The following CLTCL1 variants were observed in gnomAD, a reference collection of about 807,000 sequenced individuals.
The protein encoded by CLTCL1 is clathrin heavy chain 2.
In CLTCL1, 159 loss-of-function variants were observed where a neutral mutation model predicts 190.0. The ratio of observed to expected loss-of-function variants is 0.84; its 90% CI spans 0.74 to 0.95. The LOEUF (loss-of-function observed/expected upper bound fraction) is 0.95, where lower values mean the gene tolerates loss of function less well. CLTCL1 is among the 40% of genes least tolerant of loss of function. CLTCL1 has a pLI of 0.00. For missense variants in CLTCL1, 1,878 were observed against 2,033.4 expected (o/e 0.92, Z 1.47); for synonymous variants, 752 against 769.6 (o/e 0.98, Z 0.38).
chr22:19,224,087 G>GT lies in CLTCL1; in HGVS notation c.2129-34dup, dbSNP rs1402024826. On this transcript the variant is annotated intron_variant, in intron 13 of 32. Transcript: ENST00000427926. ...GAGAGACCATTCCATTTTTGTCCTT[G>GT]TAACACCTGCCTGTCTCCTCCGTAG... 3.1e-6 allele frequency: 5 copies of GT among 1,611,480 alleles called. No individual in the cohort carries two copies. The Admixed American group carries it at 8.4e-5, about 27-fold the overall frequency.
At chr22:19,181,006 G>C (rs1261154902) in intron 30 of CLTCL1, 200 bp from the exon 31 acceptor site, 1 of 581,410 alleles carries the variant, frequency 1.7e-6, no homozygotes, top group Non-Finnish European at 3.1e-6. Flanking sequence ...GTGAAGCCTC[G>C]GTAGCTGGGC....
At chr22:19,256,107 T>C (rs782783954) in intron 2 of CLTCL1, among the ~76,000 whole-genome samples, 20 of 152,026 alleles carry the variant, frequency 1.3e-4, no homozygotes, top group Non-Finnish European at 2.1e-4. Context: ...ATAAATTACG[T>C]ACAGGTTCAA....
chr22:19,275,861 T>A, intron 1 of CLTCL1, 31 bp from the exon 2 acceptor site: 1 of 1,552,130 alleles, frequency 6.4e-7, no homozygotes, highest in Non-Finnish European at 8.7e-7. Context: ...TGATTAAATT[T>A]TTTTCCTCTG....
At chr22:19,263,031 T>TA (rs782074357) in intron 2 of CLTCL1, among the ~76,000 whole-genome samples, 2,559 of 127,076 alleles carry the variant, frequency 0.02, 41 homozygotes, top group East Asian at 0.05. Context: ...ACTCCATCTT[T>TA]AAAAAAAAAA....
At chr22:19,211,627 C>T (rs545769725) in intron 19 of CLTCL1, among the ~76,000 whole-genome samples, 2 of 151,708 alleles carry the variant, frequency 1.3e-5, no homozygotes, top group East Asian at 1.9e-4. Context: ...ATTAGCTGGG[C>T]GTGGTGGCAG....
chr22:19,186,184 T>C (rs896040674), intron 29 of CLTCL1, among the ~76,000 whole-genome samples: 1 of 152,148 alleles, frequency 6.6e-6, no homozygotes. Flanking sequence ...CCATGTGTCC[T>C]GTGAAGATAC....
intron 15 of CLTCL1, 22 bp downstream of exon 15, chr22:19,222,662 C>A: frequency 1.3e-6 from 2 of 1,582,056 alleles, no homozygotes; most frequent in South Asian, 2.3e-5. Flanking sequence ...AGCCGGGTGT[C>A]ACTCCAGGGA....
chr22:19,183,369 T>C (rs1399850253), intron 30 of CLTCL1, 21 bp downstream of exon 30: 1 of 1,601,052 alleles, frequency 6.2e-7, no homozygotes, highest in African/African-American at 1.3e-5. Context: ...GCCGGGGAGC[T>C]GCAGCCGGCC....
chr22:19,281,270 G>A (rs1555986521), intron 1 of CLTCL1, among the ~76,000 whole-genome samples: 1 of 147,584 alleles, frequency 6.8e-6, no homozygotes, highest in African/African-American at 2.5e-5. Context: ...ACTCTAGCCT[G>A]GGCGACAGAG....
chr22:19,186,661 C>T (rs1461682484), intron 29 of CLTCL1, among the ~76,000 whole-genome samples: 6 of 151,804 alleles, frequency 4.0e-5, no homozygotes, highest in South Asian at 2.1e-4. Context: ...AATGGAGTGG[C>T]GTGATCTCCG....
chr22:19,239,426 T>C, intron 4 of CLTCL1, 38 bp from the exon 5 acceptor site: 2 of 1,505,112 alleles, frequency 1.3e-6, no homozygotes, highest in Non-Finnish European at 9.3e-7. Context: ...GGGGACCGCC[T>C]GTGGTGGTGG....
At chr22:19,193,844 G>A (rs776397980) in intron 26 of CLTCL1, among the ~76,000 whole-genome samples, 1 of 152,204 alleles carries the variant, frequency 6.6e-6, no homozygotes, top group Non-Finnish European at 1.5e-5. Context: ...TGAAGCTCCA[G>A]ACCTTCGCAG....
intron 2 of CLTCL1, among the ~76,000 whole-genome samples, chr22:19,265,449 A>T (rs1348519088): frequency 6.6e-6 from 1 of 152,162 alleles, no homozygotes; most frequent in African/African-American, 2.4e-5. Context: ...TATCATTTAA[A>T]ACCACAATAA....
chr22:19,193,854 G>C (rs1275318069), intron 26 of CLTCL1, among the ~76,000 whole-genome samples: 2 of 152,224 alleles, frequency 1.3e-5, no homozygotes, highest in Admixed American at 6.5e-5. Flanking sequence ...GACCTTCGCA[G>C]TGAGTGTTAC....
chr22:19,234,486 G>A, intron 7 of CLTCL1, 23 bp downstream of exon 7: 1 of 1,588,228 alleles, frequency 6.3e-7, no homozygotes, highest in Non-Finnish European at 8.6e-7. Flanking sequence ...CAGAACACTT[G>A]AACAGTATTC....
At chr22:19,233,671 C>T (rs1555960451) in intron 7 of CLTCL1, 49 bp from the exon 8 acceptor site, 10 of 1,555,872 alleles carry the variant, frequency 6.4e-6, no homozygotes, top group Non-Finnish European at 8.8e-6. Context: ...CACAGGGGAT[C>T]CCTTCACTCA....
At chr22:19,180,149 AGAACCTGGCCTGGCTAGAG>A in intron 32 of CLTCL1, 31 bp downstream of exon 32, 1 of 1,532,270 alleles carries the variant, frequency 6.5e-7, no homozygotes, top group Non-Finnish European at 9.0e-7. Flanking sequence ...GGTCAGCCAG[AGAACCTGGCCTGGCTAGAG>A]GATAAGCTAG....
rs2146087020 is a variant in CLTCL1 at position 19,254,202 on chromosome 22, A to G, written c.276T>C (p.Asn92=). 1 of 1,613,414 alleles carries G rather than the reference A, an allele frequency of 6.2e-7. No homozygotes were observed. Among genetic ancestry groups the G allele is most frequent in the Non-Finnish European group, 8.5e-7 (1 of 1,179,330 alleles). ...CCTTCATTTTACTCTTCATCTCAATATTAAAGATCTGAAGTGTCTTCCCAG... is the reference window on the plus strand; with the variant it reads ...CCTTCATTTTACTCTTCATCTCAATGTTAAAGATCTGAAGTGTCTTCCCAG... ...LKAGKTLQIF[N]IEMKSKMKAH... is the part of the protein sequence containing the mutation. The change falls in exon 3 of 33, where the codon AAT becomes AAC. Residue 92 remains asparagine (N), a synonymous_variant. Transcript: ENST00000427926.
At chr22:19,244,004 A>G (rs2086342406) in intron 3 of CLTCL1, among the ~76,000 whole-genome samples, 1 of 152,082 alleles carries the variant, frequency 6.6e-6, no homozygotes, top group Non-Finnish European at 1.5e-5. Context: ...GCCAGAACTT[A>G]TATTTTCTAC....
Sources: allele counts gnomAD v4.1 joint callset (sites outside exome capture counted in the v4.1 genomes callset), GRCh38; gene constraint gnomAD v4.1.1; transcripts MANE v1.5; gene names NCBI Gene and HGNC (gene_info 2026-07-23, HGNC 2026-07-21).